The following SYNE2 variants were observed in gnomAD, a reference collection of about 807,000 sequenced individuals.
The protein encoded by SYNE2 is nesprin-2.
In SYNE2, 431 loss-of-function variants were observed where a neutral mutation model predicts 856.3. The ratio of observed to expected loss-of-function variants is 0.50; its 90% CI spans 0.47 to 0.55. The LOEUF (loss-of-function observed/expected upper bound fraction) is 0.55. Among genes scored for constraint, SYNE2 ranks in the 20% least tolerant of loss-of-function variants. SYNE2 has a pLI of 0.00. For synonymous variants in SYNE2, 2,923 were observed against 2,872.3 expected (o/e 1.02, Z -0.56); for missense variants, 8,129 against 8,023.2 (o/e 1.01, Z -0.50).
chr14:64,110,588 A>ACAC (rs1292783339), intron 65 of SYNE2, among the ~76,000 whole-genome samples: 1 of 75,390 alleles, frequency 1.3e-5, no homozygotes, highest in Non-Finnish European at 2.4e-5. Context: ...TACTTTTTAC[A>ACAC]CCCCCCCCCC....
At chr14:63,852,813 T>A (rs559453520), upstream of SYNE2, among the ~76,000 whole-genome samples, 1 of 152,192 alleles carries the variant, frequency 6.6e-6, no homozygotes, top group South Asian at 2.1e-4. Flanking sequence ...CCACCTCTGA[T>A]GTCCCAAAAG....
At position 64,119,412 on chromosome 14, in the gene SYNE2, G is replaced by A; in HGVS notation, c.12841-15G>A. 6.2e-7 allele frequency: 1 copy of A among 1,613,790 alleles called. No individual in the cohort carries two copies. Among genetic ancestry groups the A allele is most frequent in the Non-Finnish European group, 8.5e-7 (1 of 1,179,826 alleles). ...AGAACAACATTATGAATAATTAAAT[G>A]CTTTTATTTCCTAGGCTATGCTAAC... On this transcript the variant is annotated splice_polypyrimidine_tract_variant and intron_variant, in intron 66 of 115. Coordinates refer to ENST00000555002, the MANE Select transcript of SYNE2 (RefSeq NM_182914.3).
intron 18 of SYNE2, among the ~76,000 whole-genome samples, chr14:63,985,881 A>T (rs1471855737): frequency 6.6e-6 from 1 of 151,986 alleles, no homozygotes; most frequent in East Asian, 1.9e-4. Flanking sequence ...AGTGGCATAC[A>T]CCTGTAATTC....
At chr14:63,786,247 C>A (rs1331067589) in intron 1 of SYNE2, among the ~76,000 whole-genome samples, 35 of 142,062 alleles carry the variant, frequency 2.5e-4, no homozygotes, top group Non-Finnish European at 3.4e-4. Context: ...AAGACTGTCT[C>A]AAAAAAAAAA....
chr14:64,026,822 A>G, intron 42 of SYNE2, 92 bp downstream of exon 42: 6 of 1,447,734 alleles, frequency 4.1e-6, no homozygotes, highest in Non-Finnish European at 4.7e-6. Flanking sequence ...GTTTGGATAT[A>G]ATATCTGCTA....
chr14:64,105,161 G>T (rs1016291779), intron 64 of SYNE2, among the ~76,000 whole-genome samples: 2 of 152,106 alleles, frequency 1.3e-5, no homozygotes, highest in African/African-American at 4.8e-5. Context: ...TGGACTTTTG[G>T]AGTAGCCCTC....
chr14:63,875,949 G>A (rs1175350849), intron 1 of SYNE2, among the ~76,000 whole-genome samples: 2 of 152,068 alleles, frequency 1.3e-5, no homozygotes, highest in Non-Finnish European at 1.5e-5. Flanking sequence ...TGGCCAAAGT[G>A]CATGTTGCAA....
chr14:64,158,550 C>CA, intron 85 of SYNE2, 75 bp from the exon 86 acceptor site: 1 of 1,515,268 alleles, frequency 6.6e-7, no homozygotes, highest in South Asian at 1.1e-5. Context: ...CTAAATTGGA[C>CA]ACAATGGTAG....
intron 8 of SYNE2, among the ~76,000 whole-genome samples, chr14:63,957,323 C>T (rs914764458): frequency 7.1e-6 from 1 of 140,490 alleles, no homozygotes; most frequent in East Asian, 2.1e-4. Flanking sequence ...AGCTGGAGTG[C>T]AGTGGCGTGA....
intron 45 of SYNE2, among the ~76,000 whole-genome samples, chr14:64,040,172 T>G (rs187109194): frequency 3.2e-4 from 48 of 152,074 alleles, no homozygotes; most frequent in South Asian, 6.2e-4. Flanking sequence ...AAAAGTAAAG[T>G]CTGATAACAA....
chr14:63,898,069 C>T (rs1375283627), intron 1 of SYNE2, among the ~76,000 whole-genome samples: 6 of 152,170 alleles, frequency 3.9e-5, no homozygotes, highest in Admixed American at 6.5e-5. Flanking sequence ...TGAACACAGC[C>T]GCCAGCTCTT....
chr14:64,123,342 C>G (rs1203718413), intron 70 of SYNE2, among the ~76,000 whole-genome samples: 1 of 152,236 alleles, frequency 6.6e-6, no homozygotes, highest in Non-Finnish European at 1.5e-5. Context: ...CCCCACTGCG[C>G]ACAAGGCAGG....
At chr14:64,026,518 T>C (rs2096980131) in intron 41 of SYNE2, 61 bp from the exon 42 acceptor site, 1 of 1,291,060 alleles carries the variant, frequency 7.7e-7, no homozygotes, top group Non-Finnish European at 1.1e-6. Context: ...AATAAAGAGA[T>C]AGCATGTAGT....
chr14:64,195,008 T>G (rs940288742), intron 99 of SYNE2, among the ~76,000 whole-genome samples: 1 of 152,202 alleles, frequency 6.6e-6, no homozygotes, highest in Admixed American at 6.5e-5. Flanking sequence ...CTGCTTGTCC[T>G]ATGAACCAGA....
intron 16 of SYNE2, among the ~76,000 whole-genome samples, chr14:63,981,379 A>G (rs1212236938): frequency 6.6e-6 from 1 of 152,102 alleles, no homozygotes; most frequent in Non-Finnish European, 1.5e-5. Context: ...TACATGGTCA[A>G]ACACGCACAT....
chr14:64,000,317 A>G (rs1281416400), intron 27 of SYNE2, among the ~76,000 whole-genome samples: 1 of 152,188 alleles, frequency 6.6e-6, no homozygotes, highest in African/African-American at 2.4e-5. Flanking sequence ...GAGTTTGGGT[A>G]CCTTTGAAAG....
At chr14:64,064,542 A>ATTTTTTTTTT (rs369447974) in intron 50 of SYNE2, among the ~76,000 whole-genome samples, 1 of 103,616 alleles carries the variant, frequency 9.7e-6, no homozygotes, top group Non-Finnish European at 1.8e-5. Flanking sequence ...GTACTTTTAG[A>ATTTTTTTTTT]TTTTTTTTTT....
chr14:63,794,258 G>A (rs1052101037), intron 1 of SYNE2, among the ~76,000 whole-genome samples: 1 of 151,800 alleles, frequency 6.6e-6, no homozygotes, highest in African/African-American at 2.4e-5. Context: ...TTTCATTCTC[G>A]TGCCCCAGGC....
intron 99 of SYNE2, among the ~76,000 whole-genome samples, chr14:64,193,375 C>T (rs1272307182): frequency 1.3e-5 from 2 of 152,096 alleles, no homozygotes; most frequent in African/African-American, 4.8e-5. Context: ...CATGGCGAAA[C>T]CCCATCTCTA....
Sources: allele counts gnomAD v4.1 joint callset (sites outside exome capture counted in the v4.1 genomes callset), GRCh38; gene constraint gnomAD v4.1.1; transcripts MANE v1.5; gene names NCBI Gene and HGNC (gene_info 2026-07-23, HGNC 2026-07-21).